The following KCTD3 variants were observed in gnomAD, a reference collection of about 807,000 sequenced individuals.
KCTD3 encodes BTB/POZ domain-containing protein KCTD3.
Under a neutral mutation model 85.8 loss-of-function variants are expected in KCTD3, and 41 were observed. The observed-to-expected ratio is 0.48, with a 90% CI of 0.37 to 0.62. The LOEUF is 0.62. Ranked by LOEUF, KCTD3 falls within the 20% of genes least tolerant of loss-of-function variation. KCTD3 has a pLI of 0.00. For missense variants in KCTD3, 724 were observed against 989.9 expected (o/e 0.73, Z 3.60); for synonymous variants, 338 against 345.4 (o/e 0.98, Z 0.24).
intron 14 of KCTD3, among the ~76,000 whole-genome samples, chr1:215,610,592 G>A (rs956049340): frequency 2.0e-5 from 3 of 151,906 alleles, no homozygotes; most frequent in African/African-American, 7.2e-5. Flanking sequence ...TTTTGACTTT[G>A]TTTATGAGTT....
chr1:215,571,310 A>T (rs1396430405), intron 1 of KCTD3, among the ~76,000 whole-genome samples: 13 of 152,162 alleles, frequency 8.5e-5, no homozygotes, highest in Admixed American at 8.5e-4. Flanking sequence ...TGACTGGGGT[A>T]ATCTGTGTAT....
At chr1:215,591,119 C>T (rs1367850779) in intron 9 of KCTD3, among the ~76,000 whole-genome samples, 1 of 152,110 alleles carries the variant, frequency 6.6e-6, no homozygotes, top group Non-Finnish European at 1.5e-5. Flanking sequence ...CAGAGGGGCT[C>T]AGCAAGAACT....
At chr1:215,570,165 G>A (rs1051407455) in intron 1 of KCTD3, among the ~76,000 whole-genome samples, 1 of 151,734 alleles carries the variant, frequency 6.6e-6, no homozygotes, top group Admixed American at 6.6e-5. Flanking sequence ...AAGTTCTGAA[G>A]TGATAGAGTA....
At chr1:215,568,983 T>C (rs1659260910) in intron 1 of KCTD3, among the ~76,000 whole-genome samples, 2 of 152,172 alleles carry the variant, frequency 1.3e-5, no homozygotes, top group South Asian at 4.1e-4. Context: ...TATTGGAAGT[T>C]TGGTAACTTG....
intron 10 of KCTD3, among the ~76,000 whole-genome samples, chr1:215,598,474 A>G (rs890297634): frequency 6.6e-6 from 1 of 152,190 alleles, no homozygotes; most frequent in South Asian, 2.1e-4. Context: ...ACTTTCTCAG[A>G]AGAGAGCACA....
intron 3 of KCTD3, among the ~76,000 whole-genome samples, chr1:215,575,491 A>G (rs754390900): frequency 3.3e-5 from 5 of 152,326 alleles, no homozygotes; most frequent in Middle Eastern, 3.4e-3. Context: ...TTATTAAAGT[A>G]CATTGTAGTT....
chr1:215,601,823 T>C lies in KCTD3; in HGVS notation c.934-44T>C, dbSNP rs567594901. On this transcript the variant is annotated intron_variant, in intron 10 of 17. Transcript: ENST00000259154. ...GAGGAAATTGACCAGAAAATAGAAA[T>C]TATAATTACTATCTAACATCTGATA... is the stretch of plus-strand genomic sequence containing the variant. The C allele has an allele frequency of 2.3e-5, 26 of 1,143,008 alleles. No individual in the cohort carries two copies. In the South Asian group the frequency reaches 3.5e-4, roughly 16 times the overall value. The allele number at this position is 1,143,008 out of a possible 1,614,324, so 70.8% of individuals were successfully genotyped here.
Position 215,620,777 on chromosome 1 carries a change from AATC to A in KCTD3, c.*162_*164del. On this transcript the variant is annotated 3_prime_UTR_variant, in exon 18 of 18. Coordinates refer to ENST00000259154, the MANE Select transcript of KCTD3 (RefSeq NM_016121.5). ...ATTACTTGGAATAATGAGATACAAT[AATC>A]ATATCTCTTTTGACATTTTGGAAAT... The A allele has an allele frequency of 1.8e-6, 1 of 543,220 alleles. No individual in the cohort carries two copies. 33.6% of individuals were successfully genotyped at this position (543,220 alleles called of 1,614,324 possible).
chr1:215,577,823 T>TG, intron 5 of KCTD3, 95 bp downstream of exon 5: 1 of 1,291,684 alleles, frequency 7.7e-7, no homozygotes, highest in South Asian at 1.2e-5. Flanking sequence ...TAATTTTTGA[T>TG]GGACTTGTTC....
intron 9 of KCTD3, among the ~76,000 whole-genome samples, chr1:215,593,253 G>A (rs1660289716): frequency 6.6e-6 from 1 of 152,118 alleles, no homozygotes; most frequent in Non-Finnish European, 1.5e-5. Flanking sequence ...GTGTGTGTGT[G>A]TTGTACTTTA....
intron 10 of KCTD3, among the ~76,000 whole-genome samples, chr1:215,601,474 A>C (rs553176517): frequency 2.3e-4 from 35 of 152,216 alleles, no homozygotes; most frequent in African/African-American, 6.7e-4. Context: ...TTACTGTGTA[A>C]CTTTGGACAG....
chr1:215,567,440 T>G lies in KCTD3; in HGVS notation c.-246T>G. On this transcript the variant is annotated 5_prime_UTR_variant, in exon 1 of 18. Transcript: ENST00000259154. The stretch of plus-strand genomic sequence containing the variant: ...AAGAGGCCCGGGCGGCCCGGCGGCC[T>G]GGAGGCCGCGAAAGGTGGAGGCCGG... The G allele has an allele frequency of 4.4e-6, 1 of 225,690 alleles. No homozygotes were observed. The highest frequency in any genetic ancestry group is 8.5e-6 in the Non-Finnish European group (1 of 118,068). The allele number at this position is 225,690 out of a possible 1,614,324, so 14.0% of individuals were successfully genotyped here.
chr1:215,581,106 T>A (rs1227218700), intron 8 of KCTD3: 2 of 330,002 alleles, frequency 6.1e-6, no homozygotes, highest in Non-Finnish European at 1.2e-5. Flanking sequence ...ATTAGCCAGG[T>A]GTGGTGATGC....
intron 9 of KCTD3, among the ~76,000 whole-genome samples, chr1:215,594,689 G>A (rs1322870092): frequency 6.6e-6 from 1 of 152,106 alleles, no homozygotes; most frequent in Non-Finnish European, 1.5e-5. Flanking sequence ...TCTTAGTAAT[G>A]TCTTGTCTTC....
Position 215,586,578 on chromosome 1 carries a change from A to G in KCTD3, c.710A>G (p.Lys237Arg). 6.2e-7 allele frequency: 1 copy of G among 1,614,094 alleles called. No individual in the cohort carries two copies. The highest frequency in any genetic ancestry group is 8.5e-7 in the Non-Finnish European group (1 of 1,180,004). The change falls in exon 9 of 18, where the codon AAG becomes AGG. Residue 237 changes from lysine to arginine, a missense_variant. This residue lies in a region of KCTD3 where 146 missense variants were observed against 320.3 expected (regional missense o/e 0.46). Coordinates refer to ENST00000259154, the MANE Select transcript of KCTD3 (RefSeq NM_016121.5). ...WTIERVALNAKVVGGPHGDKD... is the reference protein window; with the variant it reads ...WTIERVALNARVVGGPHGDKD... ...ATCGAACGAGTAGCTTTAAATGCAA[A>G]GGTGGTTGGAGGGCCACATGGAGAC...
intron 8 of KCTD3, among the ~76,000 whole-genome samples, chr1:215,585,221 A>AT (rs1285949865): frequency 1.3e-5 from 2 of 152,220 alleles, no homozygotes; most frequent in African/African-American, 4.8e-5. Flanking sequence ...TTAGGTAAGT[A>AT]TTTAAGTATT....
intron 8 of KCTD3, among the ~76,000 whole-genome samples, chr1:215,581,894 T>A (rs1453613460): frequency 6.6e-6 from 1 of 152,232 alleles, no homozygotes. Flanking sequence ...TTCCTCAAGT[T>A]TTTGTATCAG....
At chr1:215,592,254 T>TA (rs2102578354) in intron 9 of KCTD3, among the ~76,000 whole-genome samples, 1 of 152,274 alleles carries the variant, frequency 6.6e-6, no homozygotes, top group Non-Finnish European at 1.5e-5. Context: ...AAAGTACTCT[T>TA]ATGCAGCAAG....
At chr1:215,594,411 T>G (rs1332572320) in intron 9 of KCTD3, among the ~76,000 whole-genome samples, 1 of 152,180 alleles carries the variant, frequency 6.6e-6, no homozygotes, top group Non-Finnish European at 1.5e-5. Flanking sequence ...TGATGTGTGA[T>G]AGGTGCTGCT....
Sources: allele counts gnomAD v4.1 joint callset (sites outside exome capture counted in the v4.1 genomes callset), GRCh38; gene constraint gnomAD v4.1.1; regional missense constraint gnomAD v4.1.1; transcripts MANE v1.5; gene names NCBI Gene and HGNC (gene_info 2026-07-23, HGNC 2026-07-21).